Variants in LRRC37A2 observed in about 807,000 individuals in gnomAD.
LRRC37A2 encodes leucine rich repeat containing 37 member A2, also known as leucine-rich repeat-containing protein 37A2.
In LRRC37A2, 9 loss-of-function variants were observed where a neutral mutation model predicts 68.8. The ratio of observed to expected loss-of-function variants is 0.13; its 90% CI spans 0.08 to 0.23. The LOEUF (loss-of-function observed/expected upper bound fraction) is 0.23, where lower values mean the gene tolerates loss of function less well. Ranked by LOEUF, LRRC37A2 falls within the 10% of genes least tolerant of loss-of-function variation. The probability of loss-of-function intolerance (pLI) is 1.00; values close to 1 mark genes in which losing one functional copy is unlikely to be tolerated. For synonymous variants in LRRC37A2, 63 were observed against 367.6 expected (o/e 0.17, Z 9.48); for missense variants, 168 against 950.4 (o/e 0.18, Z 10.82).
the LRRC37A2 span, among the ~76,000 whole-genome samples, chr17:46,880,633 G>A: frequency 6.6e-6 from 1 of 152,220 alleles, no homozygotes; most frequent in East Asian, 1.9e-4. Context: ...AGGAAATGGA[G>A]GTTGTGAGAT....
At chr17:47,033,324 T>G in the LRRC37A2 span, 1 of 699,768 alleles carries the variant, frequency 1.4e-6, no homozygotes, top group Non-Finnish European at 2.6e-6. Context: ...ATTTACGTGA[T>G]GCAGTCCGAG....
the LRRC37A2 span, among the ~76,000 whole-genome samples, chr17:46,961,221 A>G: frequency 6.6e-6 from 1 of 152,182 alleles, no homozygotes; most frequent in African/African-American, 2.4e-5. Flanking sequence ...CAGAAATAAT[A>G]TGTATAATTT....
the LRRC37A2 span, among the ~76,000 whole-genome samples, chr17:46,788,652 A>G: frequency 6.6e-6 from 1 of 152,136 alleles, no homozygotes; most frequent in Admixed American, 6.5e-5. Context: ...CACCGACTCC[A>G]TTGATGGTGA....
the LRRC37A2 span, among the ~76,000 whole-genome samples, chr17:46,735,504 A>T: frequency 2.6e-5 from 4 of 151,824 alleles, no homozygotes; most frequent in East Asian, 7.7e-4. Context: ...TAGCTCAGAT[A>T]TCATCTGGCA....
At chr17:46,518,829 GTAAC>G (rs2051816505) in intron 3 of LRRC37A2, among the ~76,000 whole-genome samples, 1 of 77,534 alleles carries the variant, frequency 1.3e-5, no homozygotes, top group Non-Finnish European at 3.4e-5. Context: ...TACATTCAAA[GTAAC>G]TGACATTTTT....
the LRRC37A2 span, among the ~76,000 whole-genome samples, chr17:46,787,221 G>GGC: frequency 6.6e-6 from 1 of 151,660 alleles, no homozygotes; most frequent in Non-Finnish European, 1.5e-5. Flanking sequence ...GATTACAGGT[G>GGC]TGAGCCAGCG....
chr17:46,875,142 G>A, the LRRC37A2 span: 2,105 of 1,613,906 alleles, frequency 1.3e-3, 25 homozygotes, highest in African/African-American at 0.025. Flanking sequence ...GTCCTCTGCC[G>A]CCCTCACCCA....
chr17:46,734,985 A>C, the LRRC37A2 span, among the ~76,000 whole-genome samples: 1 of 152,208 alleles, frequency 6.6e-6, no homozygotes, highest in Non-Finnish European at 1.5e-5. Flanking sequence ...CATGAGTTCA[A>C]GACCGCAGGA....
the LRRC37A2 span, among the ~76,000 whole-genome samples, chr17:46,837,011 C>T: frequency 2.0e-5 from 3 of 152,008 alleles, no homozygotes; most frequent in South Asian, 2.1e-4. Flanking sequence ...GGCGTGATCT[C>T]GGCTCACTGC....
the LRRC37A2 span, among the ~76,000 whole-genome samples, chr17:47,003,284 T>G: frequency 6.9e-6 from 1 of 145,078 alleles, no homozygotes; most frequent in Non-Finnish European, 1.5e-5. Context: ...ATGACCACCC[T>G]GACCCTGACC....
the LRRC37A2 span, among the ~76,000 whole-genome samples, chr17:46,887,787 A>C: frequency 6.6e-6 from 1 of 152,044 alleles, no homozygotes; most frequent in Admixed American, 6.6e-5. Context: ...GAAAGAAAGA[A>C]AGAAATCTCT....
the LRRC37A2 span, among the ~76,000 whole-genome samples, chr17:46,863,137 C>T: frequency 8.0e-4 from 121 of 152,186 alleles, 1 homozygote; most frequent in Non-Finnish European, 1.5e-3. Flanking sequence ...AGGCAGCCTC[C>T]TCCAGAGCCA....
the LRRC37A2 span, chr17:46,936,943 T>A: frequency 6.0e-5 from 24 of 401,908 alleles, no homozygotes; most frequent in Admixed American, 2.6e-4. Context: ...TTTCTCTCAG[T>A]TGCTCATTAA....
the LRRC37A2 span, among the ~76,000 whole-genome samples, chr17:46,501,007 C>T: frequency 2.0e-5 from 3 of 151,102 alleles, no homozygotes; most frequent in African/African-American, 7.4e-5. Flanking sequence ...TGGTGAGACC[C>T]CGTCTCTACT....
chr17:46,906,701 A>G, the LRRC37A2 span, among the ~76,000 whole-genome samples: 2 of 152,200 alleles, frequency 1.3e-5, no homozygotes, highest in Non-Finnish European at 2.9e-5. Context: ...TGCTCTGATT[A>G]TGCCCACTTC....
the LRRC37A2 span, among the ~76,000 whole-genome samples, chr17:46,979,846 A>G: frequency 7.0e-6 from 1 of 143,500 alleles, no homozygotes; most frequent in Non-Finnish European, 1.5e-5. Flanking sequence ...AGAAAACATG[A>G]ATTACCGAAA....
At chr17:46,934,112 A>G in the LRRC37A2 span, among the ~76,000 whole-genome samples, 2 of 152,158 alleles carry the variant, frequency 1.3e-5, no homozygotes, top group African/African-American at 4.8e-5. Context: ...GTTTCCCTCT[A>G]CAGTGTGGGT....
chr17:46,907,397 A>G, the LRRC37A2 span, among the ~76,000 whole-genome samples: 1 of 151,928 alleles, frequency 6.6e-6, no homozygotes, highest in Non-Finnish European at 1.5e-5. Flanking sequence ...ACCTGGGGCC[A>G]GCTGACCCTT....
chr17:47,031,321 G>C, the LRRC37A2 span, among the ~76,000 whole-genome samples: 1 of 148,156 alleles, frequency 6.7e-6, no homozygotes, highest in Admixed American at 6.8e-5. Flanking sequence ...ATCCAAGCAA[G>C]AAGGACCAGG....
Sources: gnomAD v4.1 joint callset for allele counts (sites outside exome capture counted in the v4.1 genomes callset) on GRCh38, gnomAD v4.1.1 for gene constraint, MANE v1.5 for transcripts, NCBI Gene and HGNC (gene_info 2026-07-23, HGNC 2026-07-21) for gene names.